CTNNA3: variants seen among roughly 807,000 people sequenced by gnomAD.
CTNNA3 encodes the protein catenin alpha-3.
CTNNA3 carries 76 observed loss-of-function variants against 95.7 expected under a neutral mutation model. That is an observed-to-expected ratio of 0.79 (90% CI 0.66 to 0.96). The LOEUF (loss-of-function observed/expected upper bound fraction) is 0.96. CTNNA3 is among the 40% of genes least tolerant of loss of function. The pLI is 0.00. For synonymous variants in CTNNA3, 431 were observed against 374.4 expected, an observed-to-expected ratio of 1.15 and a Z score of -1.74; for missense variants, 1,191 against 1,089.8, an observed-to-expected ratio of 1.09 and a Z score of -1.31.
intron 7 of CTNNA3, among the ~76,000 whole-genome samples, chr10:66,990,231 A>G (rs1422646986): frequency 6.6e-6 from 1 of 152,136 alleles, no homozygotes; most frequent in Admixed American, 6.6e-5. Flanking sequence ...GGTGGGGCCA[A>G]TGTGTCCCAT....
At chr10:66,344,269 G>C (rs1057441889) in intron 12 of CTNNA3, among the ~76,000 whole-genome samples, 10 of 149,958 alleles carry the variant, frequency 6.7e-5, no homozygotes, top group Non-Finnish European at 1.5e-4. Flanking sequence ...TGTTGTTGTT[G>C]TTGTTTGTTT....
intron 13 of CTNNA3, among the ~76,000 whole-genome samples, chr10:66,116,734 T>C (rs1457917473): frequency 1.3e-5 from 2 of 152,126 alleles, no homozygotes; most frequent in Admixed American, 6.6e-5. Flanking sequence ...CCACAGGCTG[T>C]GTAAGAGGCA....
intron 17 of CTNNA3, among the ~76,000 whole-genome samples, chr10:65,931,386 T>C (rs573184549): frequency 6.6e-6 from 1 of 152,320 alleles, no homozygotes; most frequent in African/African-American, 2.4e-5. Context: ...TGTTTAAACA[T>C]AGGTTAAGCA....
At chr10:67,417,679 T>A (rs992187624) in intron 5 of CTNNA3, among the ~76,000 whole-genome samples, 4 of 151,588 alleles carry the variant, frequency 2.6e-5, no homozygotes, top group African/African-American at 9.7e-5. Flanking sequence ...AAATCCAATT[T>A]AAATTGGTTT....
At chr10:67,323,057 T>C (rs1735672934) in intron 5 of CTNNA3, among the ~76,000 whole-genome samples, 1 of 152,226 alleles carries the variant, frequency 6.6e-6, no homozygotes, top group African/African-American at 2.4e-5. Flanking sequence ...TGCCCACTTT[T>C]TAATGGGGTT....
At chr10:67,416,607 C>CAAAAAAA (rs368513767) in intron 5 of CTNNA3, among the ~76,000 whole-genome samples, 1 of 38,326 alleles carries the variant, frequency 2.6e-5, no homozygotes, top group African/African-American at 7.7e-5. Flanking sequence ...GACTCTGTCT[C>CAAAAAAA]AAAAAAAAAA....
chr10:67,267,521 T>G (rs914083234), intron 5 of CTNNA3, among the ~76,000 whole-genome samples: 9 of 152,128 alleles, frequency 5.9e-5, no homozygotes, highest in African/African-American at 1.9e-4. Flanking sequence ...CCTGCCACCA[T>G]GCCTGGCTAA....
chr10:67,310,000 C>G (rs1163757589), intron 5 of CTNNA3, among the ~76,000 whole-genome samples: 1 of 152,124 alleles, frequency 6.6e-6, no homozygotes, highest in Non-Finnish European at 1.5e-5. Context: ...TCCAGAGGAA[C>G]TTACGTGAAG....
At position 66,356,510 on chromosome 10, in the gene CTNNA3, G is replaced by A. The variant is rs192883468; in HGVS notation, c.1732+22642C>T. Among the ~76,000 whole-genome samples the A allele has an allele frequency of 6.1e-4, 92 of 151,932 alleles. 1 individual carries two copies. Among genetic ancestry groups the A allele is most frequent in the Non-Finnish European group, 1.0e-3 (69 of 67,892 alleles). On this transcript the variant is annotated intron_variant, in intron 12 of 17. Coordinates refer to ENST00000433211, the MANE Select transcript of CTNNA3 (RefSeq NM_013266.4). ...GTTTCCAATTGTTCATTGCTAGCAC[G>A]TATAAATATAATAGATCTTTGGAAT...
chr10:66,134,888 A>T (rs1013078317), intron 13 of CTNNA3, among the ~76,000 whole-genome samples: 92 of 152,272 alleles, frequency 6.0e-4, no homozygotes, highest in Non-Finnish European at 8.7e-4. Flanking sequence ...TTTTGATCAC[A>T]GTACTCTGTA....
At chr10:65,997,458 G>A (rs956377188) in intron 15 of CTNNA3, among the ~76,000 whole-genome samples, 2 of 152,058 alleles carry the variant, frequency 1.3e-5, no homozygotes, top group Admixed American at 1.3e-4. Flanking sequence ...GGAGAGCGGT[G>A]GCCTGGGTCC....
chr10:66,735,515 AAAGT>A (rs1438380224), intron 9 of CTNNA3, among the ~76,000 whole-genome samples: 1 of 151,938 alleles, frequency 6.6e-6, no homozygotes, highest in African/African-American at 2.4e-5. Context: ...CTTATTTTAA[AAAGT>A]TATTCTTAAT....
intron 9 of CTNNA3, among the ~76,000 whole-genome samples, chr10:66,652,631 T>C (rs926343699): frequency 1.3e-5 from 2 of 152,154 alleles, no homozygotes; most frequent in East Asian, 3.8e-4. Context: ...ACTTCCAAAC[T>C]AATTTCATGA....
intron 17 of CTNNA3, among the ~76,000 whole-genome samples, chr10:65,924,241 C>T (rs1390481810): frequency 6.6e-6 from 1 of 152,102 alleles, no homozygotes; most frequent in East Asian, 1.9e-4. Context: ...GTTCTCTCAA[C>T]ACCAGTGTTT....
chr10:67,209,149 A>G (rs1284241364), intron 6 of CTNNA3, among the ~76,000 whole-genome samples: 2 of 152,106 alleles, frequency 1.3e-5, no homozygotes, highest in Non-Finnish European at 2.9e-5. Flanking sequence ...CCTGAGTTCC[A>G]GAGATTATCT....
In CTNNA3 at chr10:67,337,158, C is replaced by G. The variant is rs551247053; in HGVS notation, c.580-117288G>C. Among the ~76,000 whole-genome samples the G allele has an allele frequency of 3.7e-3, 562 of 152,218 alleles. 2 individuals carry two copies. Among genetic ancestry groups the G allele is most frequent in the African/African-American group, 0.013 (525 of 41,534 alleles). ...AATTAAAAACCTTCTAGAAAGAATT[C>G]ACCATTCTAGATGCCATTAAGAGCA... is the stretch of plus-strand genomic sequence containing the variant. On this transcript the variant is annotated intron_variant, in intron 5 of 17. Transcript: ENST00000433211.
chr10:67,371,439 C>T (rs1360841985), intron 5 of CTNNA3, among the ~76,000 whole-genome samples: 7 of 142,334 alleles, frequency 4.9e-5, no homozygotes, highest in African/African-American at 1.8e-4. Context: ...TCCATGTGTT[C>T]TCATTGTTCA....
At chr10:66,140,346 G>A (rs1300521646) in intron 13 of CTNNA3, among the ~76,000 whole-genome samples, 6 of 152,170 alleles carry the variant, frequency 3.9e-5, no homozygotes, top group Non-Finnish European at 2.9e-5. Flanking sequence ...ATCGTATCTG[G>A]TATCTTTGAG....
rs78070359 is a variant in CTNNA3 at position 67,571,601 on chromosome 10, T to G, written c.293-31932A>C. On this transcript the variant is annotated intron_variant, in intron 3 of 17. Coordinates refer to ENST00000433211, the MANE Select transcript of CTNNA3 (RefSeq NM_013266.4). ...GCAAATCTCTGCGAGTAGATTATAA[T>G]AGACTATAGTTTATACAGGCTGGGT... Among the ~76,000 whole-genome samples, 3 of 152,308 alleles carry G rather than the reference T, an allele frequency of 2.0e-5. No homozygotes were observed. In the East Asian group the frequency reaches 5.8e-4, roughly 29 times the overall value.
Sources: allele counts gnomAD v4.1 joint callset (sites outside exome capture counted in the v4.1 genomes callset), GRCh38; gene constraint gnomAD v4.1.1; transcripts MANE v1.5; gene names NCBI Gene and HGNC (gene_info 2026-07-23, HGNC 2026-07-21).